Variants in UBE3A observed in about 807,000 individuals in gnomAD.
UBE3A encodes ubiquitin-protein ligase E3A.
A neutral mutation model predicts 83.4 loss-of-function variants in UBE3A; 6 were observed. The ratio of observed to expected loss-of-function variants is 0.07; its 90% CI spans 0.04 to 0.14. The LOEUF is 0.14. UBE3A is among the 10% of genes least tolerant of loss of function. The probability of loss-of-function intolerance (pLI) is 1.00; values close to 1 mark genes in which losing one functional copy is unlikely to be tolerated. For synonymous variants in UBE3A, 337 were observed against 355.4 expected (o/e 0.95, Z 0.58); for missense variants, 456 against 1,036.1 (o/e 0.44, Z 7.69).
intron 4 of UBE3A, among the ~76,000 whole-genome samples, chr15:25,398,972 T>C (rs2086432931): frequency 6.6e-6 from 1 of 151,488 alleles, no homozygotes; most frequent in Non-Finnish European, 1.5e-5. Context: ...CATCATACTT[T>C]AATAGCCATT....
chr15:25,402,595 T>C (rs540053211), intron 4 of UBE3A, among the ~76,000 whole-genome samples: 2 of 152,186 alleles, frequency 1.3e-5, no homozygotes, highest in Non-Finnish European at 2.9e-5. Flanking sequence ...GGCCTGAAGT[T>C]TGGGGCCATG....
chr15:25,352,987 T>C (rs2076725187), intron 11 of UBE3A, among the ~76,000 whole-genome samples: 1 of 152,200 alleles, frequency 6.6e-6, no homozygotes, highest in Non-Finnish European at 1.5e-5. Context: ...ATAATTTCTC[T>C]ATAAAGAATA....
Position 25,405,448 on chromosome 15 carries a change from A to T in UBE3A, c.62+13T>A. On this transcript the variant is annotated intron_variant, in intron 4 of 12. Transcript: ENST00000648336. Reference sequence around the variant, plus strand: ...CAAAATAAGAACCACAGTCTCAACCAAGTTACACTTACATTCGGCTAGCTT... The same window carrying T: ...CAAAATAAGAACCACAGTCTCAACCTAGTTACACTTACATTCGGCTAGCTT... The T allele has an allele frequency of 6.2e-7, 1 of 1,613,928 alleles. No homozygotes were observed.
At chr15:25,351,808 A>G (rs2076549099) in intron 11 of UBE3A, among the ~76,000 whole-genome samples, 1 of 152,158 alleles carries the variant, frequency 6.6e-6, no homozygotes, top group African/African-American at 2.4e-5. Context: ...CATCTTTCCA[A>G]ATGTCCTTCC....
chr15:25,368,981 G>A (rs1306939929), intron 6 of UBE3A, among the ~76,000 whole-genome samples: 1 of 152,034 alleles, frequency 6.6e-6, no homozygotes, highest in African/African-American at 2.4e-5. Context: ...GACAGCTGAA[G>A]GGATCTCACC....
At chr15:25,340,329 T>G (rs1452517896) in intron 11 of UBE3A, 101 bp from the exon 12 acceptor site, 2 of 1,390,180 alleles carry the variant, frequency 1.4e-6, no homozygotes, top group East Asian at 4.6e-5. Flanking sequence ...AAGAGACAAC[T>G]TGGAAGTTAA....
chr15:25,358,627 T>C (rs540536579), intron 7 of UBE3A, among the ~76,000 whole-genome samples: 1 of 152,320 alleles, frequency 6.6e-6, no homozygotes, highest in South Asian at 2.1e-4. Context: ...TTATACAGTA[T>C]ATAAGTATTT....
intron 4 of UBE3A, among the ~76,000 whole-genome samples, chr15:25,396,870 A>G (rs1206081155): frequency 2.0e-5 from 3 of 152,176 alleles, no homozygotes; most frequent in Non-Finnish European, 4.4e-5. Context: ...TGTTAACTGT[A>G]TATAAATTAT....
At position 25,339,345 on chromosome 15, in the gene UBE3A, T is replaced by C. The variant is rs2074336884; in HGVS notation, c.2499-88A>G. 4 of 1,530,034 alleles carry C rather than the reference T, an allele frequency of 2.6e-6. No homozygotes were observed. In the Admixed American group the frequency reaches 5.3e-5, roughly 20 times the overall value. The allele number at this position is 1,530,034 out of a possible 1,614,324, so 94.8% of individuals were successfully genotyped here. A position where few individuals can be genotyped will look rare whatever the true frequency, so the allele number is the denominator to read the frequency against. The stretch of plus-strand genomic sequence containing the variant: ...TAAATGCTCCTATTTTTAGATTGTA[T>C]ATAGTTGAGACGGTCTGCAATGCAA... On this transcript the variant is annotated intron_variant, in intron 12 of 12. Coordinates refer to ENST00000648336, the MANE Select transcript of UBE3A (RefSeq NM_130839.5).
At chr15:25,363,076 G>A (rs892511243) in intron 6 of UBE3A, among the ~76,000 whole-genome samples, 1 of 152,120 alleles carries the variant, frequency 6.6e-6, no homozygotes, top group Non-Finnish European at 1.5e-5. Context: ...CCTAAGACAT[G>A]TCAAATGATA....
At chr15:25,410,002 G>A (rs1243540234) in intron 2 of UBE3A, among the ~76,000 whole-genome samples, 2 of 151,944 alleles carry the variant, frequency 1.3e-5, no homozygotes, top group Admixed American at 6.6e-5. Context: ...TGTGGGGTGG[G>A]GGGAAGGGGA....
At chr15:25,408,562 A>C in intron 3 of UBE3A, 1 of 1,609,052 alleles carries the variant, frequency 6.2e-7, no homozygotes, top group Admixed American at 1.7e-5. Context: ...TATGATCACA[A>C]AACACCCACT....
At chr15:25,349,519 A>G (rs1566866338) in intron 11 of UBE3A, among the ~76,000 whole-genome samples, 1 of 152,172 alleles carries the variant, frequency 6.6e-6, no homozygotes, top group Non-Finnish European at 1.5e-5. Flanking sequence ...AATATACAGT[A>G]TTCCCCACTT....
chr15:25,337,028 C>G lies in UBE3A; in HGVS notation c.*2109G>C, dbSNP rs1291374871. On this transcript the variant is annotated 3_prime_UTR_variant, in exon 13 of 13. Transcript: ENST00000648336. ...AACATGCCCGGCATAATTAAGCAAGCTAGAGCAGCTATTCTGTGCAACCGA... is the reference window on the plus strand; with the variant it reads ...AACATGCCCGGCATAATTAAGCAAGGTAGAGCAGCTATTCTGTGCAACCGA... The G allele has an allele frequency of 3.3e-5, 5 of 152,066 alleles. No homozygotes were observed. The South Asian group carries it at 6.2e-4, about 19-fold the overall frequency. 9.4% of individuals were successfully genotyped at this position (152,066 alleles called of 1,614,324 possible).
At position 25,438,718 on chromosome 15, in the gene UBE3A, GC is replaced by G. The variant is rs1226093807; in HGVS notation, c.-395del. ...CGCCGCTGCCTGTCCACACCGGGGGGCTGAGGGGCCCTCCTGCCAGGGGCTA... is the reference window on the plus strand; with the variant it reads ...CGCCGCTGCCTGTCCACACCGGGGGGTGAGGGGCCCTCCTGCCAGGGGCTA... On this transcript the variant is annotated 5_prime_UTR_variant, in exon 1 of 13. Coordinates refer to ENST00000648336, the MANE Select transcript of UBE3A (RefSeq NM_130839.5). 2 of 152,428 alleles carry G rather than the reference GC, an allele frequency of 1.3e-5. No individual in the cohort carries two copies. The highest frequency in any genetic ancestry group is 4.8e-5 in the African/African-American group (2 of 41,468). The allele number at this position is 152,428 out of a possible 1,614,324, so 9.4% of individuals were successfully genotyped here.
chr15:25,432,909 T>C (rs1893892213), intron 1 of UBE3A, among the ~76,000 whole-genome samples: 1 of 152,204 alleles, frequency 6.6e-6, no homozygotes, highest in Non-Finnish European at 1.5e-5. Flanking sequence ...GAGATTCCTG[T>C]TCAGATTTCC....
chr15:25,429,285 T>A (rs994295381), intron 1 of UBE3A, among the ~76,000 whole-genome samples: 7 of 152,200 alleles, frequency 4.6e-5, no homozygotes, highest in Admixed American at 1.3e-4. Flanking sequence ...ACAGTTGGGG[T>A]TGTTAAAAGT....
In UBE3A at chr15:25,371,964, G is replaced by T; in HGVS notation, c.362-152C>A. The T allele has an allele frequency of 1.2e-6, 1 of 847,692 alleles. No individual in the cohort carries two copies. Among genetic ancestry groups the T allele is most frequent in the Non-Finnish European group, 1.8e-6 (1 of 567,236 alleles). 52.5% of individuals were successfully genotyped at this position (847,692 alleles called of 1,614,324 possible). A position where few individuals can be genotyped will look rare whatever the true frequency, so the allele number is the denominator to read the frequency against. Reference sequence around the variant, plus strand: ...TTAAAGTATCTAATACTTAGATTCAGCAAACAAAATTTAATGCTTACCTAT... The same window carrying T: ...TTAAAGTATCTAATACTTAGATTCATCAAACAAAATTTAATGCTTACCTAT... On this transcript the variant is annotated intron_variant, in intron 5 of 12. Coordinates refer to ENST00000648336, the MANE Select transcript of UBE3A (RefSeq NM_130839.5). This position sits in a 1 kb window ranked among gnomAD's most constrained non-coding sequence, Gnocchi z 5.3.
chr15:25,341,345 G>A (rs1449334797), intron 11 of UBE3A, among the ~76,000 whole-genome samples: 3 of 151,518 alleles, frequency 2.0e-5, no homozygotes, highest in South Asian at 4.2e-4. Flanking sequence ...TGCTGGGATT[G>A]CAGGCATGAG....
Sources: allele counts gnomAD v4.1 joint callset (sites outside exome capture counted in the v4.1 genomes callset), GRCh38; gene constraint gnomAD v4.1.1; non-coding constraint Gnocchi (gnomAD v3.1); transcripts MANE v1.5; gene names NCBI Gene and HGNC (gene_info 2026-07-23, HGNC 2026-07-21).